Variants in NCKAP5 observed in about 807,000 individuals in gnomAD.
The protein encoded by NCKAP5 is NCK associated protein 5.
In NCKAP5, 92 loss-of-function variants were observed where a neutral mutation model predicts 167.0. The ratio of observed to expected loss-of-function variants is 0.55; its 90% CI spans 0.47 to 0.66. The LOEUF (loss-of-function observed/expected upper bound fraction) is 0.66. Ranked by LOEUF, NCKAP5 falls within the 30% of genes least tolerant of loss-of-function variation. The probability of loss-of-function intolerance (pLI) is 0.00; values close to 1 mark genes in which losing one functional copy is unlikely to be tolerated. For synonymous variants in NCKAP5, 891 were observed against 877.4 expected, an observed-to-expected ratio of 1.02 and a Z score of -0.27; for missense variants, 2,378 against 2,315.0, an observed-to-expected ratio of 1.03 and a Z score of -0.56.
rs1226676710 is a variant in NCKAP5 at position 132,783,559 on chromosome 2, T to A, written c.3252A>T (p.Val1084=). ...EPLEMTSSKS[V]SPGRKGQLND... ...TCAATTGTCCTTTTCTCCCTGGAGA[T>A]ACACTTTTGGAGGACGTCATTTCCA... Residue 1084 remains valine, a synonymous_variant, in exon 14 of 20, where the codon GTA becomes GTT. Transcript: ENST00000409261. 6.2e-7 allele frequency: 1 copy of A among 1,613,970 alleles called. No individual in the cohort carries two copies. Among genetic ancestry groups the A allele is most frequent in the Admixed American group, 1.7e-5 (1 of 60,026 alleles).
At chr2:133,024,304 A>G (rs577884728) in intron 6 of NCKAP5, among the ~76,000 whole-genome samples, 1 of 152,362 alleles carries the variant, frequency 6.6e-6, no homozygotes, top group South Asian at 2.1e-4. Context: ...ATATTTTAGT[A>G]GACTATAAGC....
At chr2:133,230,545 A>G (rs1328770390) in intron 4 of NCKAP5, among the ~76,000 whole-genome samples, 1 of 152,160 alleles carries the variant, frequency 6.6e-6, no homozygotes, top group Non-Finnish European at 1.5e-5. Context: ...CTAATGTTAC[A>G]CTGGTCACCC....
At chr2:133,597,730 C>T in the NCKAP5 span, among the ~76,000 whole-genome samples, 2 of 148,000 alleles carry the variant, frequency 1.4e-5, no homozygotes, top group Non-Finnish European at 3.0e-5. Context: ...ATGCTACTGT[C>T]TTTTCCCCAA....
intron 2 of NCKAP5, among the ~76,000 whole-genome samples, chr2:133,545,337 C>T (rs1049591294): frequency 6.6e-6 from 1 of 152,110 alleles, no homozygotes; most frequent in Admixed American, 6.5e-5. Flanking sequence ...TCACAAGGTG[C>T]ACCTAGCTAG....
At chr2:133,246,672 T>C (rs1439250930) in intron 4 of NCKAP5, among the ~76,000 whole-genome samples, 1 of 152,248 alleles carries the variant, frequency 6.6e-6, no homozygotes, top group Non-Finnish European at 1.5e-5. Context: ...TATATTTGCA[T>C]TTATATGCAT....
At chr2:132,989,841 C>A (rs1033021679) in intron 7 of NCKAP5, among the ~76,000 whole-genome samples, 1 of 152,146 alleles carries the variant, frequency 6.6e-6, no homozygotes, top group African/African-American at 2.4e-5. Flanking sequence ...ATACCCACAT[C>A]CCAGTCCCTG....
At chr2:132,952,263 T>A (rs554057342) in intron 8 of NCKAP5, among the ~76,000 whole-genome samples, 1 of 152,330 alleles carries the variant, frequency 6.6e-6, no homozygotes, top group African/African-American at 2.4e-5. Context: ...TTATGGAGAT[T>A]AGTCCTTGAT....
intron 3 of NCKAP5, among the ~76,000 whole-genome samples, chr2:133,403,449 T>C (rs758779830): frequency 2.0e-5 from 3 of 152,224 alleles, no homozygotes; most frequent in Non-Finnish European, 2.9e-5. Flanking sequence ...ACTAAATGTA[T>C]TTAGTCTAGT....
At chr2:133,123,022 T>G (rs2082295844) in intron 6 of NCKAP5, 1 of 152,214 alleles carries the variant, frequency 6.6e-6, no homozygotes, top group African/African-American at 2.4e-5. Context: ...TGACACCAGG[T>G]CCTGGACAAC....
At position 133,550,729 on chromosome 2, in the gene NCKAP5, T is replaced by C. The variant is rs547830652; in HGVS notation, c.-62+8321A>G. Among the ~76,000 whole-genome samples, 28 of 130,490 alleles carry C rather than the reference T, an allele frequency of 2.1e-4. No homozygotes were observed. In the East Asian group the frequency reaches 4.2e-3, roughly 20 times the overall value. The allele number at this position is 130,490 out of a possible 152,430, so 85.6% of individuals were successfully genotyped here. ...CTCTCACCACTCCTATTCAACATAG[T>C]GTTGGAAGTTCTGGCCAGGGCAATC... On this transcript the variant is annotated intron_variant, in intron 2 of 19. Coordinates refer to ENST00000409261, the MANE Select transcript of NCKAP5 (RefSeq NM_207363.3).
intron 4 of NCKAP5, among the ~76,000 whole-genome samples, chr2:133,266,005 C>G (rs1021471593): frequency 4.6e-5 from 7 of 152,184 alleles, no homozygotes; most frequent in African/African-American, 1.7e-4. Flanking sequence ...TTTACGCCCC[C>G]ACCCTTTAGG....
At chr2:132,723,849 G>T (rs1255091485) in intron 19 of NCKAP5, among the ~76,000 whole-genome samples, 3 of 152,148 alleles carry the variant, frequency 2.0e-5, no homozygotes, top group Non-Finnish European at 4.4e-5. Flanking sequence ...TCTCAATACA[G>T]CAGCCAGACG....
chr2:133,187,465 A>C (rs1334758621), intron 5 of NCKAP5, among the ~76,000 whole-genome samples: 1 of 152,098 alleles, frequency 6.6e-6, no homozygotes, highest in African/African-American at 2.4e-5. Flanking sequence ...TATAGTGGGA[A>C]GATCCCTTGA....
chr2:133,652,472 G>A, the NCKAP5 span, among the ~76,000 whole-genome samples: 2 of 152,300 alleles, frequency 1.3e-5, no homozygotes, highest in South Asian at 2.1e-4. Flanking sequence ...AAGCAGCAAC[G>A]TATTGACGGA....
chr2:133,597,642 C>G, the NCKAP5 span, among the ~76,000 whole-genome samples: 1 of 135,080 alleles, frequency 7.4e-6, no homozygotes, highest in South Asian at 2.4e-4. Flanking sequence ...AAGATGCACT[C>G]CAGCCTGGGA....
At chr2:132,958,524 T>C (rs928854623) in intron 8 of NCKAP5, among the ~76,000 whole-genome samples, 1 of 152,234 alleles carries the variant, frequency 6.6e-6, no homozygotes, top group Admixed American at 6.5e-5. Context: ...TTTACATTTA[T>C]ATCATTTTCA....
Position 133,234,964 on chromosome 2 carries a change from G to T in NCKAP5, c.144-21185C>A, listed in dbSNP as rs1361797219. 1.4e-5 allele frequency among the ~76,000 whole-genome samples: 2 copies of T among 143,870 alleles called. 1 individual carries two copies. Among genetic ancestry groups the T allele is most frequent in the East Asian group, 4.7e-4 (2 of 4,218 alleles). 94.4% of individuals were successfully genotyped at this position (143,870 alleles called of 152,430 possible). ...CTTAAGACAGAAATTCTTAAGGCCA[G>T]TTAACAACCAGGGTCATAAGTCTCG... On this transcript the variant is annotated intron_variant, in intron 4 of 19. Transcript: ENST00000409261.
intron 2 of NCKAP5, among the ~76,000 whole-genome samples, chr2:133,541,281 T>A (rs1353891534): frequency 6.9e-6 from 1 of 144,190 alleles, no homozygotes; most frequent in Non-Finnish European, 1.5e-5. Context: ...AAATATAATA[T>A]GATAAATTTA....
intron 3 of NCKAP5, among the ~76,000 whole-genome samples, chr2:133,360,277 T>A (rs1042588168): frequency 2.6e-5 from 4 of 152,202 alleles, no homozygotes; most frequent in African/African-American, 9.6e-5. Context: ...ATCCAGAGGA[T>A]AAATTTAGAA....
Sources: allele counts gnomAD v4.1 joint callset (sites outside exome capture counted in the v4.1 genomes callset), GRCh38; gene constraint gnomAD v4.1.1; transcripts MANE v1.5; gene names NCBI Gene and HGNC (gene_info 2026-07-23, HGNC 2026-07-21).